Variants in AP4S1 observed in about 807,000 individuals in gnomAD.
AP4S1 encodes the protein adaptor related protein complex 4 subunit sigma 1, also known as AP-4 complex subunit sigma-1.
AP4S1 carries 23 observed loss-of-function variants against 19.8 expected under a neutral mutation model. That is an observed-to-expected ratio of 1.16 (90% CI 0.84 to 1.65). The LOEUF (loss-of-function observed/expected upper bound fraction) is 1.65. Ranked by LOEUF, AP4S1 falls within the 40% of genes most tolerant of loss-of-function variation. The probability of loss-of-function intolerance (pLI) is 0.00; values close to 1 mark genes in which losing one functional copy is unlikely to be tolerated. For missense variants in AP4S1, 166 were observed against 172.8 expected (o/e 0.96, Z 0.22); for synonymous variants, 46 against 54.1 (o/e 0.85, Z 0.66).
intron 4 of AP4S1, among the ~76,000 whole-genome samples, chr14:31,076,872 G>A (rs116237676): frequency 0.01 from 1,569 of 152,286 alleles, 26 homozygotes; most frequent in African/African-American, 0.034. Context: ...TGGTACCATA[G>A]GCCTTCCTGA....
rs1332379532 is a variant in AP4S1 at position 31,042,189 on chromosome 14, G to T, written c.-72+16402G>T. Among the ~76,000 whole-genome samples the T allele has an allele frequency of 5.9e-5, 9 of 152,318 alleles. No homozygotes were observed. The East Asian group carries it at 1.7e-3, about 29-fold the overall frequency. On this transcript the variant is annotated intron_variant, in intron 1 of 5. Coordinates refer to ENST00000542754, the MANE Select transcript of AP4S1 (RefSeq NM_001128126.3). ...TGGCACTAAAACCAAATAAAAGAAA[G>T]ATAATTTTAGAAGAAATTTTATTTT...
At chr14:31,061,922 G>C (rs1469428988) in intron 1 of AP4S1, among the ~76,000 whole-genome samples, 2 of 152,030 alleles carry the variant, frequency 1.3e-5, no homozygotes, top group Admixed American at 1.3e-4. Flanking sequence ...GGGATTACAG[G>C]CATGAGCCAC....
chr14:31,090,497 C>A (rs1888048698), intron 5 of AP4S1, among the ~76,000 whole-genome samples: 1 of 152,192 alleles, frequency 6.6e-6, no homozygotes, highest in African/African-American at 2.4e-5. Context: ...TGAAAGAAAA[C>A]AAGTTGCCTG....
intron 1 of AP4S1, among the ~76,000 whole-genome samples, chr14:31,036,191 T>C (rs201853661): frequency 1.0e-5 from 1 of 97,290 alleles, no homozygotes; most frequent in African/African-American, 5.2e-5. Flanking sequence ...AAGAAAAAAA[T>C]AATAATTTAA....
chr14:31,043,971 A>G (rs1024015809), intron 1 of AP4S1, among the ~76,000 whole-genome samples: 1 of 152,228 alleles, frequency 6.6e-6, no homozygotes, highest in Non-Finnish European at 1.5e-5. Flanking sequence ...TTTTAAAGAC[A>G]TATGGCATTT....
chr14:31,053,051 A>G (rs1224512009), intron 1 of AP4S1, among the ~76,000 whole-genome samples: 6 of 145,536 alleles, frequency 4.1e-5, no homozygotes, highest in Non-Finnish European at 8.9e-5. Context: ...AGTGATTCTC[A>G]TGCCTTAGCC....
At chr14:31,043,111 C>T (rs995232053) in intron 1 of AP4S1, among the ~76,000 whole-genome samples, 3 of 151,924 alleles carry the variant, frequency 2.0e-5, no homozygotes, top group Non-Finnish European at 4.4e-5. Flanking sequence ...GTCCCAGCTA[C>T]TCGGGAAACT....
chr14:31,083,859 A>G (rs1887790320), intron 5 of AP4S1, among the ~76,000 whole-genome samples: 1 of 152,114 alleles, frequency 6.6e-6, no homozygotes, highest in Non-Finnish European at 1.5e-5. Flanking sequence ...CTTCATACAT[A>G]GTCCTTTTAA....
Position 31,093,896 on chromosome 14 carries a change from CT to C in AP4S1, c.*862del, listed in dbSNP as rs1477553970. 1 of 152,332 alleles carries C rather than the reference CT, an allele frequency of 6.6e-6. No homozygotes were observed. Among genetic ancestry groups the C allele is most frequent in the African/African-American group, 2.4e-5 (1 of 41,416 alleles). 9.4% of individuals were successfully genotyped at this position (152,332 alleles called of 1,614,324 possible). ...TGGTGTGATCTCAGCTCACTGCAAC[CT>C]CCACCTCTGGGTTTAAGCAATTCTC... is the stretch of plus-strand genomic sequence containing the variant. On this transcript the variant is annotated 3_prime_UTR_variant, in exon 6 of 6. Coordinates refer to ENST00000542754, the MANE Select transcript of AP4S1 (RefSeq NM_001128126.3).
chr14:31,045,898 A>G (rs1885370688), intron 1 of AP4S1, among the ~76,000 whole-genome samples: 1 of 151,670 alleles, frequency 6.6e-6, no homozygotes, highest in Admixed American at 6.6e-5. Context: ...AAGTGATGAG[A>G]GGATCAGAGA....
intron 1 of AP4S1, among the ~76,000 whole-genome samples, chr14:31,043,554 AAGG>A (rs999704820): frequency 6.6e-6 from 1 of 152,172 alleles, no homozygotes; most frequent in African/African-American, 2.4e-5. Flanking sequence ...TGAGGAGAGA[AAGG>A]AGGTTCTGGA....
chr14:31,065,573 A>G (rs552633232), intron 1 of AP4S1, among the ~76,000 whole-genome samples: 40 of 152,342 alleles, frequency 2.6e-4, no homozygotes, highest in African/African-American at 9.1e-4. Flanking sequence ...AATGAATAGA[A>G]ACAGAAGTAC....
At chr14:31,044,563 G>T (rs1183062582) in intron 1 of AP4S1, among the ~76,000 whole-genome samples, 4 of 151,016 alleles carry the variant, frequency 2.6e-5, no homozygotes, top group African/African-American at 9.7e-5. Flanking sequence ...GCCTAGTCTG[G>T]TTTCAAACTC....
intron 4 of AP4S1, among the ~76,000 whole-genome samples, chr14:31,077,567 C>T (rs1266202911): frequency 6.6e-6 from 1 of 152,038 alleles, no homozygotes; most frequent in Non-Finnish European, 1.5e-5. Context: ...AATTCTGGGC[C>T]CCATCCCAGA....
In AP4S1 at chr14:31,049,428, AAT is replaced by A. The variant is rs1182207910; in HGVS notation, c.-71-16665_-71-16664del. Among the ~76,000 whole-genome samples, 355 of 57,688 alleles carry A rather than the reference AAT, an allele frequency of 6.2e-3. 2 individuals carry two copies. The highest frequency in any genetic ancestry group is 0.011 in the East Asian group (21 of 1,974). 37.8% of individuals were successfully genotyped at this position (57,688 alleles called of 152,430 possible). ...GACTCGGTCTCAAAAAAAAAAAAAA[AAT>A]ATATATATATATATATATATATATA... On this transcript the variant is annotated intron_variant, in intron 1 of 5. Coordinates refer to ENST00000542754, the MANE Select transcript of AP4S1 (RefSeq NM_001128126.3).
intron 4 of AP4S1, among the ~76,000 whole-genome samples, chr14:31,077,547 TAGAC>T (rs1887427156): frequency 6.6e-6 from 1 of 152,106 alleles, no homozygotes; most frequent in Non-Finnish European, 1.5e-5. Flanking sequence ...GAGAACTTGT[TAGAC>T]AGACAAATTC....
At chr14:31,078,298 T>G (rs1172492265) in intron 4 of AP4S1, among the ~76,000 whole-genome samples, 2 of 152,250 alleles carry the variant, frequency 1.3e-5, no homozygotes, top group Non-Finnish European at 2.9e-5. Flanking sequence ...GTTCTGTACC[T>G]GTGCCATCCA....
At chr14:31,073,433 T>A (rs1402243692) in intron 4 of AP4S1, among the ~76,000 whole-genome samples, 4 of 136,526 alleles carry the variant, frequency 2.9e-5, no homozygotes, top group African/African-American at 1.0e-4. Context: ...GAGCTTGCAG[T>A]GAGCCGAGAT....
At chr14:31,027,731 A>G (rs1044191632) in intron 1 of AP4S1, among the ~76,000 whole-genome samples, 2 of 152,216 alleles carry the variant, frequency 1.3e-5, no homozygotes, top group East Asian at 1.9e-4. Flanking sequence ...TTTAAGTACA[A>G]TAGTGGGTAC....
Sources: allele counts gnomAD v4.1 joint callset (sites outside exome capture counted in the v4.1 genomes callset), GRCh38; gene constraint gnomAD v4.1.1; transcripts MANE v1.5; gene names NCBI Gene and HGNC (gene_info 2026-07-23, HGNC 2026-07-21).